EDDM3A: variants seen among roughly 807,000 people sequenced by gnomAD.
EDDM3A encodes epididymal protein 3A.
For missense variants in EDDM3A, 199 were observed against 177.4 expected (o/e 1.12, Z -0.69); for synonymous variants, 75 against 60.4 (o/e 1.24, Z -1.12).
At chr14:20,741,830 T>G (rs1460785121), upstream of EDDM3A, among the ~76,000 whole-genome samples, 1 of 152,094 alleles carries the variant, frequency 6.6e-6, no homozygotes, top group Non-Finnish European at 1.5e-5. Flanking sequence ...AGAAATCAAC[T>G]TTTAGCCTTT....
In EDDM3A at chr14:20,747,944, T is replaced by G. The variant is rs772729507; in HGVS notation, c.364T>G (p.Tyr122Asp). ...NRYTESRSFS[Y>D]IEFHCGVDGY... ...GTACACAGAGAGCAGAAGCTTCAGC[T>G]ACATTGAATTCCATTGTGGCGTAGA... Residue 122 changes from tyrosine to aspartate, a missense_variant, in exon 2 of 2, where the codon TAC becomes GAC. Physicochemically the swap from Tyr to Asp is radical, Grantham distance 160 (BLOSUM62 -3). Coordinates refer to ENST00000326842, the MANE Select transcript of EDDM3A (RefSeq NM_006683.5). 3 of 1,614,024 alleles carry G rather than the reference T, an allele frequency of 1.9e-6. No individual in the cohort carries two copies. In the African/African-American group the frequency reaches 4.0e-5, roughly 22 times the overall value.
chr14:20,742,975 T>C (rs115229268), upstream of EDDM3A, among the ~76,000 whole-genome samples: 4,197 of 152,264 alleles, frequency 0.028, 214 homozygotes, highest in African/African-American at 0.096. Flanking sequence ...GCTCAAGTGA[T>C]CCTCCCACTT....
upstream of EDDM3A, among the ~76,000 whole-genome samples, chr14:20,742,508 T>C (rs185844063): frequency 1.4e-4 from 21 of 152,384 alleles, no homozygotes; most frequent in African/African-American, 5.0e-4. Flanking sequence ...GATAGGTGTG[T>C]GGCCTGATGC....
chr14:20,746,443 G>A (rs902491785), intron 1 of EDDM3A, among the ~76,000 whole-genome samples: 10 of 152,166 alleles, frequency 6.6e-5, no homozygotes, highest in African/African-American at 1.9e-4. Context: ...ACTCCTCATG[G>A]CAAATGAGGA....
the EDDM3A span, among the ~76,000 whole-genome samples, chr14:20,737,306 C>T: frequency 9.3e-4 from 141 of 152,036 alleles, 1 homozygote; most frequent in African/African-American, 3.2e-3. Context: ...TAGTGATCTG[C>T]CCACCTCGGC....
Position 20,747,633 on chromosome 14 carries a change from T to A in EDDM3A, c.53T>A (p.Leu18His). 1 of 1,613,868 alleles carries A rather than the reference T, an allele frequency of 6.2e-7. No homozygotes were observed. Among genetic ancestry groups the A allele is most frequent in the Non-Finnish European group, 8.5e-7 (1 of 1,179,906 alleles). ...WGILLALLCILCRLCVYSNNI... is the reference protein window; with the variant it reads ...WGILLALLCIHCRLCVYSNNI... ...ATACTCTTGGCCCTGCTTTGCATCC[T>A]TTGCAGGCTGTGTGTATACAGTAAC... is the stretch of plus-strand genomic sequence containing the variant. The change falls in exon 2 of 2, where the codon CTT becomes CAT. Residue 18 changes from leucine to histidine, a missense_variant. Transcript: ENST00000326842.
At chr14:20,742,038 A>G (rs1165440396), upstream of EDDM3A, among the ~76,000 whole-genome samples, 1 of 152,218 alleles carries the variant, frequency 6.6e-6, no homozygotes, top group Non-Finnish European at 1.5e-5. Flanking sequence ...ATTTCTTGGG[A>G]CATCATCTCT....
In EDDM3A at chr14:20,745,997, G is replaced by A. The variant is rs1252487118; in HGVS notation, c.-27+5G>A. 6.6e-6 allele frequency: 1 copy of A among 152,236 alleles called. No individual in the cohort carries two copies. The highest frequency in any genetic ancestry group is 1.5e-5 in the Non-Finnish European group (1 of 68,076). 9.4% of individuals were successfully genotyped at this position (152,236 alleles called of 1,614,324 possible). On this transcript the variant is annotated splice_donor_5th_base_variant and intron_variant, in intron 1 of 1. Transcript: ENST00000326842. ...TGAACTCAGAGTCCAAGTAGGGTAAGAAGGGCTCTGCTGAGGTTGCTCGGG... is the reference window on the plus strand; with the variant it reads ...TGAACTCAGAGTCCAAGTAGGGTAAAAAGGGCTCTGCTGAGGTTGCTCGGG...
the EDDM3A span, among the ~76,000 whole-genome samples, chr14:20,738,399 A>G: frequency 6.6e-6 from 1 of 152,000 alleles, no homozygotes; most frequent in South Asian, 2.1e-4. Flanking sequence ...TGAATTTGGG[A>G]GGCAGAGATT....
At chr14:20,741,087 C>T (rs888855633), upstream of EDDM3A, among the ~76,000 whole-genome samples, 1 of 152,154 alleles carries the variant, frequency 6.6e-6, no homozygotes, top group African/African-American at 2.4e-5. Flanking sequence ...ATATTATTTT[C>T]TTCTATATCC....
At chr14:20,743,622 AT>A (rs1314297889), upstream of EDDM3A, among the ~76,000 whole-genome samples, 3 of 147,664 alleles carry the variant, frequency 2.0e-5, no homozygotes, top group Non-Finnish European at 4.4e-5. Flanking sequence ...GATGAACATA[AT>A]TTTCAAGTGA....
the EDDM3A span, among the ~76,000 whole-genome samples, chr14:20,736,068 G>C: frequency 6.6e-6 from 1 of 151,060 alleles, no homozygotes; most frequent in Non-Finnish European, 1.5e-5. Flanking sequence ...ACCTGCCTTG[G>C]TTACAGCTGC....
rs1365670926 is a variant in EDDM3A at position 20,747,660 on chromosome 14, A to C, written c.80A>C (p.Asn27Thr). 1.9e-6 allele frequency: 3 copies of C among 1,613,844 alleles called. No individual in the cohort carries two copies. In the African/African-American group the frequency reaches 4.0e-5, roughly 22 times the overall value. Reference protein sequence around the residue: ...ILCRLCVYSNNIYWREFIKLH... With the variant: ...ILCRLCVYSNTIYWREFIKLH... Reference sequence around the variant, plus strand: ...TGCAGGCTGTGTGTATACAGTAACAACATTTACTGGAGAGAATTCATAAAA... The same window carrying C: ...TGCAGGCTGTGTGTATACAGTAACACCATTTACTGGAGAGAATTCATAAAA... Residue 27 changes from asparagine (N) to threonine (T), a missense_variant, in exon 2 of 2, where the codon AAC becomes ACC. By Grantham distance (65) the Asn-to-Thr change is moderately conservative. Coordinates refer to ENST00000326842, the MANE Select transcript of EDDM3A (RefSeq NM_006683.5).
At chr14:20,740,539 C>CT in the EDDM3A span, among the ~76,000 whole-genome samples, 2 of 152,212 alleles carry the variant, frequency 1.3e-5, no homozygotes, top group African/African-American at 4.8e-5. Flanking sequence ...GTTGTCCCTC[C>CT]TTCACAAAGG....
the EDDM3A span, among the ~76,000 whole-genome samples, chr14:20,736,054 G>A: frequency 0.45 from 67,832 of 151,416 alleles, 16,079 homozygotes; most frequent in East Asian, 0.67. Context: ...AGAAACCAAG[G>A]TACACCTGCC....
intron 1 of EDDM3A, among the ~76,000 whole-genome samples, chr14:20,747,146 C>T (rs1002203117): frequency 6.9e-6 from 1 of 145,618 alleles, no homozygotes; most frequent in Non-Finnish European, 1.5e-5. Context: ...TTTTGTCACC[C>T]AGGCCGGAGT....
chr14:20,746,749 C>T (rs546072582), intron 1 of EDDM3A, among the ~76,000 whole-genome samples: 8 of 152,304 alleles, frequency 5.3e-5, no homozygotes, highest in Middle Eastern at 3.4e-3. Flanking sequence ...GGAAAAACAT[C>T]ATTTTTCAGA....
the EDDM3A span, among the ~76,000 whole-genome samples, chr14:20,736,181 C>T: frequency 6.6e-6 from 1 of 151,446 alleles, no homozygotes; most frequent in Non-Finnish European, 1.5e-5. Context: ...CAGATCTTGG[C>T]TCACTGCATC....
Position 20,747,925 on chromosome 14 carries a change from A to G in EDDM3A, c.345A>G (p.Thr115=). Residue 115 remains threonine (T), a synonymous_variant, in exon 2 of 2, where the codon ACA becomes ACG. Coordinates refer to ENST00000326842, the MANE Select transcript of EDDM3A (RefSeq NM_006683.5). Reference sequence around the variant, plus strand: ...GGGAGAAGTACAACAATAGGTACACAGAGAGCAGAAGCTTCAGCTACATTG... The same window carrying G: ...GGGAGAAGTACAACAATAGGTACACGGAGAGCAGAAGCTTCAGCTACATTG... ...CHWEKYNNRY[T]ESRSFSYIEF... is the part of the protein sequence containing the mutation. 1.2e-6 allele frequency: 2 copies of G among 1,614,214 alleles called. No homozygotes were observed. The highest frequency in any genetic ancestry group is 1.7e-6 in the Non-Finnish European group (2 of 1,180,032).
Sources: allele counts gnomAD v4.1 joint callset (sites outside exome capture counted in the v4.1 genomes callset), GRCh38; gene constraint gnomAD v4.1.1; transcripts MANE v1.5; gene names NCBI Gene and HGNC (gene_info 2026-07-23, HGNC 2026-07-21).